Variants in ARHGAP32 observed in about 807,000 individuals in gnomAD.
ARHGAP32 encodes the protein rho GTPase-activating protein 32.
ARHGAP32 carries 51 observed loss-of-function variants against 186.5 expected under a neutral mutation model. The ratio of observed to expected loss-of-function variants is 0.27; its 90% CI spans 0.22 to 0.35. The LOEUF is 0.35. Among genes scored for constraint, ARHGAP32 ranks in the 10% least tolerant of loss-of-function variants. The pLI is 1.00. For missense variants in ARHGAP32, 2,186 were observed against 2,623.5 expected, an observed-to-expected ratio of 0.83 and a Z score of 3.64; for synonymous variants, 950 against 964.3, an observed-to-expected ratio of 0.99 and a Z score of 0.27.
intron 11 of ARHGAP32, among the ~76,000 whole-genome samples, chr11:129,031,672 G>A (rs1388301424): frequency 1.3e-5 from 2 of 152,218 alleles, no homozygotes; most frequent in South Asian, 2.1e-4. Context: ...ACACTGGGTA[G>A]AAGAGGGTGG....
Position 129,158,594 on chromosome 11 carries a change from T to A in ARHGAP32, c.225+5725A>T, listed in dbSNP as rs560578986. 3.9e-5 allele frequency among the ~76,000 whole-genome samples: 6 copies of A among 152,158 alleles called. No individual in the cohort carries two copies. The East Asian group carries it at 9.7e-4, about 24-fold the overall frequency. On this transcript the variant is annotated intron_variant, in intron 2 of 22. Transcript: ENST00000682385. ...TAGAGACCTACAAAGAGACTTAGAC[T>A]CCCACACAATAACAGTGGGAGACTT...
intron 2 of ARHGAP32, among the ~76,000 whole-genome samples, chr11:129,137,859 G>T (rs1942968695): frequency 6.6e-6 from 1 of 151,906 alleles, no homozygotes; most frequent in Non-Finnish European, 1.5e-5. Flanking sequence ...TATAAAATGA[G>T]AATTCAATAC....
chr11:129,222,201 G>C (rs115548306), intron 1 of ARHGAP32, among the ~76,000 whole-genome samples: 1 of 152,262 alleles, frequency 6.6e-6, no homozygotes, highest in African/African-American at 2.4e-5. Flanking sequence ...GAAGAAACGT[G>C]ACAAGTGAAC....
intron 1 of ARHGAP32, among the ~76,000 whole-genome samples, chr11:129,190,891 T>A (rs1415458249): frequency 1.3e-5 from 2 of 152,208 alleles, no homozygotes; most frequent in Non-Finnish European, 1.5e-5. Flanking sequence ...GATAAAATTA[T>A]GGGAAAATGA....
intron 1 of ARHGAP32, among the ~76,000 whole-genome samples, chr11:129,184,211 T>C (rs1944110558): frequency 6.6e-6 from 1 of 152,206 alleles, no homozygotes; most frequent in East Asian, 1.9e-4. Flanking sequence ...GGGCTCCTAA[T>C]GTGGGTGTGT....
At chr11:129,040,855 A>G in intron 11 of ARHGAP32, 73 bp downstream of exon 11, 1 of 1,054,148 alleles carries the variant, frequency 9.5e-7, no homozygotes, top group Non-Finnish European at 1.4e-6. Context: ...CAAGCTAAAT[A>G]CTTGACTGAC....
intron 1 of ARHGAP32, among the ~76,000 whole-genome samples, chr11:129,191,252 T>C (rs1160363721): frequency 1.3e-5 from 2 of 152,182 alleles, no homozygotes; most frequent in African/African-American, 2.4e-5. Context: ...GCAGTGATAA[T>C]ATGCAGCAAC....
chr11:129,073,751 CA>C (rs138968518), intron 6 of ARHGAP32, among the ~76,000 whole-genome samples: 6 of 140,616 alleles, frequency 4.3e-5, no homozygotes, highest in East Asian at 4.2e-4. Context: ...TCACCCTCCT[CA>C]AAAAAAAAAC....
chr11:129,003,385 T>C (rs1937617894), intron 11 of ARHGAP32, among the ~76,000 whole-genome samples: 1 of 152,232 alleles, frequency 6.6e-6, no homozygotes. Context: ...ATCAGTGTAA[T>C]ATTGGCTTTG....
rs560791987 is a variant in ARHGAP32, at chr11:129,003,514, G to C, written c.1046-5046C>G. Among the ~76,000 whole-genome samples, 22 of 152,096 alleles carry C rather than the reference G, an allele frequency of 1.4e-4. No individual in the cohort carries two copies. In the South Asian group the frequency reaches 3.7e-3, roughly 26 times the overall value. ...TCAGCAGTTAAGCCATTGAGTCCTG[G>C]GCTTTTCTTTGCTGGGAGACTTTTT... On this transcript the variant is annotated intron_variant, in intron 11 of 22. Coordinates refer to ENST00000682385, the MANE Select transcript of ARHGAP32 (RefSeq NM_001378024.1).
At chr11:129,164,199 T>C (rs1565451475) in intron 2 of ARHGAP32, 120 bp downstream of exon 2, 3 of 610,898 alleles carry the variant, frequency 4.9e-6, no homozygotes, top group Non-Finnish European at 5.6e-6. Context: ...AAATATTTCC[T>C]GAATAAATGA....
upstream of ARHGAP32, among the ~76,000 whole-genome samples, chr11:129,196,428 GTTA>G (rs1282859215): frequency 2.0e-5 from 3 of 152,188 alleles, no homozygotes; most frequent in Non-Finnish European, 2.9e-5. Context: ...TACATTGATA[GTTA>G]TTATAAGTGA....
At chr11:128,983,093 G>A (rs1945757402) in intron 15 of ARHGAP32, among the ~76,000 whole-genome samples, 1 of 152,028 alleles carries the variant, frequency 6.6e-6, no homozygotes, top group African/African-American at 2.4e-5. Flanking sequence ...GCTTTTACCA[G>A]CAGTCTCATT....
chr11:129,091,167 T>G (rs1043089566), intron 6 of ARHGAP32, among the ~76,000 whole-genome samples: 4 of 152,170 alleles, frequency 2.6e-5, no homozygotes, highest in South Asian at 2.1e-4. Context: ...ATGGCTAGTA[T>G]TCAGCTAAGA....
chr11:129,075,834 C>T (rs1941021893), intron 6 of ARHGAP32, among the ~76,000 whole-genome samples: 1 of 152,084 alleles, frequency 6.6e-6, no homozygotes, highest in Non-Finnish European at 1.5e-5. Context: ...GTGTTTGAAC[C>T]AGAAGGACTC....
intron 2 of ARHGAP32, among the ~76,000 whole-genome samples, chr11:129,161,761 A>G (rs995061331): frequency 2.0e-5 from 3 of 152,228 alleles, no homozygotes; most frequent in Non-Finnish European, 2.9e-5. Context: ...ATCTAGAACC[A>G]GAAATACCAT....
intron 10 of ARHGAP32, among the ~76,000 whole-genome samples, chr11:129,048,830 C>T (rs1939921067): frequency 6.6e-6 from 1 of 151,866 alleles, no homozygotes; most frequent in Admixed American, 6.6e-5. Context: ...ACCTTTCAGC[C>T]TTGGAAGGAG....
intron 1 of ARHGAP32, among the ~76,000 whole-genome samples, chr11:129,272,498 A>C (rs1186570905): frequency 1.3e-5 from 2 of 152,334 alleles, no homozygotes; most frequent in South Asian, 2.1e-4. Context: ...ACTTATGTCC[A>C]CATCCATTTA....
intron 1 of ARHGAP32, among the ~76,000 whole-genome samples, chr11:129,274,317 C>CT (rs1489434449): frequency 6.6e-6 from 1 of 152,216 alleles, no homozygotes; most frequent in Non-Finnish European, 1.5e-5. Context: ...AGAGAAAACT[C>CT]TGTCGCATCT....
Sources: gnomAD v4.1 joint callset for allele counts (sites outside exome capture counted in the v4.1 genomes callset) on GRCh38, gnomAD v4.1.1 for gene constraint, MANE v1.5 for transcripts, NCBI Gene and HGNC (gene_info 2026-07-23, HGNC 2026-07-21) for gene names.